EYA4: variants seen among roughly 807,000 people sequenced by gnomAD.
EYA4 encodes protein phosphatase EYA4.
In EYA4, 31 loss-of-function variants were observed where a neutral mutation model predicts 87.9. The ratio of observed to expected loss-of-function variants is 0.35; its 90% confidence interval spans 0.27 to 0.48. The LOEUF is 0.48. Ranked by LOEUF, EYA4 falls within the 20% of genes least tolerant of loss-of-function variation. EYA4 has a pLI of 0.99. For synonymous variants in EYA4, 263 were observed against 270.6 expected (o/e 0.97, Z 0.28); for missense variants, 678 against 761.4 (o/e 0.89, Z 1.29).
intron 3 of EYA4, among the ~76,000 whole-genome samples, chr6:133,428,911 C>T (rs149641727): frequency 3.8e-3 from 183 of 48,098 alleles, no homozygotes; most frequent in South Asian, 0.011. Flanking sequence ...GATTTAGCTT[C>T]TTTTTTTTTT....
At chr6:133,500,180 G>T (rs1026587777) in intron 13 of EYA4, among the ~76,000 whole-genome samples, 1 of 151,764 alleles carries the variant, frequency 6.6e-6, no homozygotes. Context: ...TGGACTCACT[G>T]CAGAGCTTTA....
chr6:133,262,488 G>A (rs1164182548), intron 1 of EYA4, among the ~76,000 whole-genome samples: 1 of 152,216 alleles, frequency 6.6e-6, no homozygotes, highest in African/African-American at 2.4e-5. Context: ...TCTTTCACAT[G>A]TCTCCCTGGG....
At chr6:133,362,365 G>A (rs1293456821) in intron 2 of EYA4, among the ~76,000 whole-genome samples, 1 of 152,140 alleles carries the variant, frequency 6.6e-6, no homozygotes, top group Non-Finnish European at 1.5e-5. Context: ...GTCCTAGAAT[G>A]GGTTTGTAAT....
chr6:133,455,892 A>G (rs751413025), intron 5 of EYA4, among the ~76,000 whole-genome samples: 1 of 152,154 alleles, frequency 6.6e-6, no homozygotes, highest in South Asian at 2.1e-4. Flanking sequence ...TTTTGCCAAA[A>G]TACACCATTA....
chr6:133,241,954 G>A (rs1243784972), intron 1 of EYA4, among the ~76,000 whole-genome samples: 2 of 152,166 alleles, frequency 1.3e-5, no homozygotes, highest in African/African-American at 2.4e-5. Context: ...CTGAGGGCCC[G>A]GGCCGCTCGG....
At chr6:133,359,252 G>T (rs1242229424) in intron 2 of EYA4, among the ~76,000 whole-genome samples, 1 of 152,310 alleles carries the variant, frequency 6.6e-6, no homozygotes, top group South Asian at 2.1e-4. Context: ...GCTGGGAGGG[G>T]AGGATGAAAG....
chr6:133,279,322 A>C (rs563905427), intron 2 of EYA4, among the ~76,000 whole-genome samples: 5 of 152,254 alleles, frequency 3.3e-5, no homozygotes, highest in African/African-American at 1.2e-4. Context: ...ATGTATTTCC[A>C]CATTGTTACT....
chr6:133,497,296 C>G (rs1234080457), intron 13 of EYA4, among the ~76,000 whole-genome samples: 1 of 152,044 alleles, frequency 6.6e-6, no homozygotes, highest in Non-Finnish European at 1.5e-5. Flanking sequence ...GACCTTTTAC[C>G]CATAAATTGT....
rs148114236 is a variant in EYA4, at chr6:133,510,055, T to C, written c.1282-2666T>C. 9.6e-3 allele frequency among the ~76,000 whole-genome samples: 1,461 copies of C among 152,282 alleles called. 8 individuals are homozygous for C. Among genetic ancestry groups the C allele is most frequent in the Non-Finnish European group, 0.015 (1,016 of 68,012 alleles). On this transcript the variant is annotated intron_variant, in intron 14 of 19. Transcript: ENST00000355286. Reference sequence around the variant, plus strand: ...GTTAAATTTGGAAAAACCTCAAATATAACCTCAATTATGGAGCTTATGGTC... The same window carrying C: ...GTTAAATTTGGAAAAACCTCAAATACAACCTCAATTATGGAGCTTATGGTC...
chr6:133,307,902 G>A (rs1469273320), intron 2 of EYA4, among the ~76,000 whole-genome samples: 1 of 152,146 alleles, frequency 6.6e-6, no homozygotes, highest in Admixed American at 6.5e-5. Flanking sequence ...TAATCCCCGT[G>A]TGTTGTGGGA....
intron 9 of EYA4, among the ~76,000 whole-genome samples, chr6:133,463,213 T>G (rs1794550641): frequency 6.6e-6 from 1 of 152,126 alleles, no homozygotes; most frequent in African/African-American, 2.4e-5. Flanking sequence ...TTTTTGTTCA[T>G]TCCTAAAATT....
At chr6:133,434,323 A>G (rs1791454217) in intron 3 of EYA4, among the ~76,000 whole-genome samples, 1 of 152,240 alleles carries the variant, frequency 6.6e-6, no homozygotes, top group African/African-American at 2.4e-5. Context: ...AAGTTATCTG[A>G]AAATGAAAGG....
At chr6:133,253,879 T>A (rs567438718) in intron 1 of EYA4, among the ~76,000 whole-genome samples, 1 of 152,212 alleles carries the variant, frequency 6.6e-6, no homozygotes, top group East Asian at 1.9e-4. Flanking sequence ...CATATCTTTT[T>A]CCCTCCGTAA....
chr6:133,505,574 A>C (rs1485518379), intron 13 of EYA4, among the ~76,000 whole-genome samples: 1 of 152,200 alleles, frequency 6.6e-6, no homozygotes, highest in Non-Finnish European at 1.5e-5. Flanking sequence ...GCAATTAAAA[A>C]TTAAGTGATG....
At chr6:133,305,850 T>C (rs544844464) in intron 2 of EYA4, among the ~76,000 whole-genome samples, 3 of 152,294 alleles carry the variant, frequency 2.0e-5, no homozygotes, top group East Asian at 3.9e-4. Flanking sequence ...GCATCTGATA[T>C]TCAAAATTTC....
chr6:133,459,095 T>C (rs1293610383), intron 6 of EYA4, among the ~76,000 whole-genome samples: 1 of 152,198 alleles, frequency 6.6e-6, no homozygotes, highest in African/African-American at 2.4e-5. Flanking sequence ...AATCCAATTT[T>C]GTTGTTCTTT....
intron 2 of EYA4, among the ~76,000 whole-genome samples, chr6:133,290,421 C>G (rs1778397157): frequency 6.6e-6 from 1 of 152,052 alleles, no homozygotes; most frequent in Admixed American, 6.6e-5. Context: ...TTAACATTTT[C>G]TTTGATTTAC....
chr6:133,356,682 G>A (rs895859831), intron 2 of EYA4, among the ~76,000 whole-genome samples: 2 of 151,488 alleles, frequency 1.3e-5, no homozygotes, highest in Non-Finnish European at 2.9e-5. Flanking sequence ...AAAGAGTTAT[G>A]AGCATAAGAT....
At chr6:133,429,267 G>A (rs561619398) in intron 3 of EYA4, among the ~76,000 whole-genome samples, 4 of 152,070 alleles carry the variant, frequency 2.6e-5, no homozygotes, top group Non-Finnish European at 4.4e-5. Flanking sequence ...CTGGTGAGAG[G>A]TGAATACCTG....
Sources: gnomAD v4.1 joint callset for allele counts (sites outside exome capture counted in the v4.1 genomes callset) on GRCh38, gnomAD v4.1.1 for gene constraint, MANE v1.5 for transcripts, NCBI Gene and HGNC (gene_info 2026-07-23, HGNC 2026-07-21) for gene names.